The following TSHZ2 variants were observed in gnomAD, a reference collection of about 807,000 sequenced individuals.
TSHZ2 encodes the protein teashirt zinc finger homeobox 2, also known as teashirt homolog 2.
TSHZ2 carries 21 observed loss-of-function variants against 74.4 expected under a neutral mutation model. The observed-to-expected ratio is 0.28, with a 90% CI of 0.20 to 0.41. The LOEUF is 0.41. Ranked by LOEUF, TSHZ2 falls within the 10% of genes least tolerant of loss-of-function variation. The probability of loss-of-function intolerance (pLI) is 1.00; values close to 1 mark genes in which losing one functional copy is unlikely to be tolerated. For synonymous variants in TSHZ2, 540 were observed against 515.3 expected, an observed-to-expected ratio of 1.05 and a Z score of -0.65; for missense variants, 1,244 against 1,293.5, an observed-to-expected ratio of 0.96 and a Z score of 0.59.
At chr20:53,449,138 G>A (rs1453033509) in intron 2 of TSHZ2, among the ~76,000 whole-genome samples, 2 of 152,098 alleles carry the variant, frequency 1.3e-5, no homozygotes, top group Non-Finnish European at 2.9e-5. Flanking sequence ...GATCACTCCA[G>A]ATTACCCTTT....
intron 2 of TSHZ2, among the ~76,000 whole-genome samples, chr20:53,304,425 G>A (rs1352781010): frequency 2.6e-5 from 4 of 151,818 alleles, no homozygotes; most frequent in Non-Finnish European, 4.4e-5. Context: ...TCCAGTCTTG[G>A]TCTAGGCTGC....
rs566701918 is a variant in TSHZ2 at position 52,973,799 on chromosome 20, A to G, written c.40+466A>G. Among the ~76,000 whole-genome samples, 11 of 152,326 alleles carry G rather than the reference A, an allele frequency of 7.2e-5. No homozygotes were observed. The South Asian group carries it at 2.3e-3, about 32-fold the overall frequency. ...CATACCTAACACTCGGGCTGCAGGC[A>G]GGCTTTGGGGCCAGCAATAGGAGTT... On this transcript the variant is annotated intron_variant, in intron 1 of 2. Coordinates refer to ENST00000371497, the MANE Select transcript of TSHZ2 (RefSeq NM_173485.6).
At position 53,415,599 on chromosome 20, in the gene TSHZ2, C is replaced by A. The variant is rs75750967; in HGVS notation, c.*9-71545C>A. On this transcript the variant is annotated intron_variant, in intron 2 of 2. Coordinates refer to ENST00000371497, the MANE Select transcript of TSHZ2 (RefSeq NM_173485.6). ...ACCTGTACTTGCCTATGCAGCTGCC[C>A]CCAAATCTGTATAATATCCTAACCC... Among the ~76,000 whole-genome samples the A allele has an allele frequency of 7.3e-3, 159 of 21,638 alleles. 4 individuals carry two copies. The East Asian group carries it at 0.15, about 20-fold the overall frequency. 14.2% of individuals were successfully genotyped at this position (21,638 alleles called of 152,430 possible). A position where few individuals can be genotyped will look rare whatever the true frequency, so the allele number is the denominator to read the frequency against.
At chr20:53,292,452 T>A (rs199684034) in intron 2 of TSHZ2, among the ~76,000 whole-genome samples, 32,438 of 147,240 alleles carry the variant, frequency 0.22, 3,722 homozygotes, top group African/African-American at 0.33. Context: ...CACCTATTTT[T>A]TTTTTTTTTT....
At chr20:53,453,677 AT>A (rs1396623770) in intron 2 of TSHZ2, among the ~76,000 whole-genome samples, 2 of 152,208 alleles carry the variant, frequency 1.3e-5, no homozygotes, top group Admixed American at 1.3e-4. Context: ...AAAAGCAGAT[AT>A]TGGGGGAATC....
chr20:53,049,677 G>C (rs998957571), intron 1 of TSHZ2, among the ~76,000 whole-genome samples: 1 of 152,098 alleles, frequency 6.6e-6, no homozygotes, highest in African/African-American at 2.4e-5. Context: ...AGTAGACAAG[G>C]AAGGAAAGGA....
intron 1 of TSHZ2, among the ~76,000 whole-genome samples, chr20:53,142,382 A>C (rs1293417): frequency 0.065 from 9,940 of 152,286 alleles, 397 homozygotes; most frequent in Non-Finnish European, 0.089. Flanking sequence ...CCAAATGCCC[A>C]GGAGGAAAAA....
At chr20:53,164,452 G>A (rs926822038) in intron 1 of TSHZ2, among the ~76,000 whole-genome samples, 1 of 151,990 alleles carries the variant, frequency 6.6e-6, no homozygotes, top group African/African-American at 2.4e-5. Context: ...TATACATAGG[G>A]GTTGAAATAC....
chr20:53,473,008 GC>G (rs1436243463), intron 2 of TSHZ2, among the ~76,000 whole-genome samples: 9 of 151,666 alleles, frequency 5.9e-5, no homozygotes, highest in African/African-American at 1.9e-4. Flanking sequence ...AGGGTCCTAC[GC>G]CCACGGAGTC....
chr20:52,990,544 T>A (rs1368538075), intron 1 of TSHZ2, among the ~76,000 whole-genome samples: 2 of 152,094 alleles, frequency 1.3e-5, no homozygotes, highest in Non-Finnish European at 2.9e-5. Context: ...TTGTAATAGA[T>A]CAAGCTTCAG....
At chr20:53,111,072 G>A (rs1986521277) in intron 1 of TSHZ2, among the ~76,000 whole-genome samples, 3 of 152,152 alleles carry the variant, frequency 2.0e-5, no homozygotes, top group Non-Finnish European at 2.9e-5. Context: ...GAAAAATGAG[G>A]AGCCCAGGCA....
At chr20:53,252,108 G>T (rs1316621433) in intron 1 of TSHZ2, among the ~76,000 whole-genome samples, 1 of 152,228 alleles carries the variant, frequency 6.6e-6, no homozygotes, top group East Asian at 1.9e-4. Context: ...CTTCCTAGGA[G>T]ACAGCAATTG....
intron 1 of TSHZ2, among the ~76,000 whole-genome samples, chr20:53,029,505 G>A (rs6126729): frequency 9.2e-5 from 14 of 152,198 alleles, no homozygotes; most frequent in East Asian, 3.9e-4. Context: ...GTGAAACCCC[G>A]TCTCAACTAA....
At chr20:53,218,348 T>C (rs576963404) in intron 1 of TSHZ2, among the ~76,000 whole-genome samples, 1 of 152,346 alleles carries the variant, frequency 6.6e-6, no homozygotes, top group East Asian at 1.9e-4. Context: ...GATCAAACTT[T>C]ACAACAGTTG....
At chr20:53,097,584 G>A (rs1238229864) in intron 1 of TSHZ2, 1 of 152,180 alleles carries the variant, frequency 6.6e-6, no homozygotes, top group Non-Finnish European at 1.5e-5. Flanking sequence ...CAACCAGATG[G>A]AAAATCATTG....
intron 1 of TSHZ2, among the ~76,000 whole-genome samples, chr20:53,234,887 G>A (rs915712630): frequency 4.6e-5 from 7 of 152,116 alleles, no homozygotes; most frequent in Non-Finnish European, 8.8e-5. Context: ...GGGAGGTTTT[G>A]AGCAGGGAAG....
At position 53,254,984 on chromosome 20, in the gene TSHZ2, G is replaced by T. The variant is rs1447860175; in HGVS notation, c.1526G>T (p.Gly509Val). The change falls in exon 2 of 3, where the codon GGC (glycine) becomes GTC (valine). Residue 509 changes from glycine (G) to valine (V), a missense_variant. Coordinates refer to ENST00000371497, the MANE Select transcript of TSHZ2 (RefSeq NM_173485.6). Reference sequence around the variant, plus strand: ...CTAAGGGAGGAAGACTTGGAAGATGGCTCAAAGGGTGGAGGGGACATTTTG... The same window carrying T: ...CTAAGGGAGGAAGACTTGGAAGATGTCTCAAAGGGTGGAGGGGACATTTTG... ...QYLREEDLED[G>V]SKGGGDILKS... is the part of the protein sequence containing the mutation. 2 of 1,614,188 alleles carry T rather than the reference G, an allele frequency of 1.2e-6. No individual in the cohort carries two copies. Among genetic ancestry groups the T allele is most frequent in the South Asian group, 1.1e-5 (1 of 91,070 alleles).
chr20:53,156,123 T>C (rs1987788130), intron 1 of TSHZ2, among the ~76,000 whole-genome samples: 1 of 152,150 alleles, frequency 6.6e-6, no homozygotes, highest in Non-Finnish European at 1.5e-5. Context: ...TGTCTCTAAT[T>C]AGCCAGACCC....
At chr20:53,328,649 A>G (rs1025445807) in intron 2 of TSHZ2, among the ~76,000 whole-genome samples, 4 of 152,254 alleles carry the variant, frequency 2.6e-5, no homozygotes, top group African/African-American at 4.8e-5. Flanking sequence ...TTCTAATCAT[A>G]AGAGCATTAA....
Sources: allele counts gnomAD v4.1 joint callset (sites outside exome capture counted in the v4.1 genomes callset), GRCh38; gene constraint gnomAD v4.1.1; transcripts MANE v1.5; gene names NCBI Gene and HGNC (gene_info 2026-07-23, HGNC 2026-07-21).